Variants in TARBP1 observed in about 807,000 individuals in gnomAD.
TARBP1 encodes tRNA guanosine 2 -O-methyltransferase TARBP1, also known as tRNA (guanosine(18)-2'-O)-methyltransferase TARBP1.
A neutral mutation model predicts 178.6 loss-of-function variants in TARBP1; 144 were observed. The observed-to-expected ratio is 0.81, with a 90% CI of 0.70 to 0.93. The LOEUF is 0.93. TARBP1 is among the 40% of genes least tolerant of loss of function. The pLI is 0.00. For missense variants in TARBP1, 2,067 were observed against 2,011.7 expected (o/e 1.03, Z -0.53); for synonymous variants, 787 against 781.0 (o/e 1.01, Z -0.13).
chr1:234,450,501 T>A lies in TARBP1; in HGVS notation c.1788A>T (p.Gly596=), dbSNP rs1666637566. 3.1e-6 allele frequency: 5 copies of A among 1,611,694 alleles called. No individual in the cohort carries two copies. Among genetic ancestry groups the A allele is most frequent in the Non-Finnish European group, 4.2e-6 (5 of 1,179,112 alleles). ...AAGCATTTAAAGATGTCTTGTGAAG[T>A]CCAATGGAGCTACACGTAGGGGATG... ...FKPSPTCSSI[G]LHKTSLNAYV... is the part of the protein sequence containing the mutation. The change falls in exon 10 of 30, where the codon GGA becomes GGT. Residue 596 remains glycine, a synonymous_variant. Coordinates refer to ENST00000040877, the MANE Select transcript of TARBP1 (RefSeq NM_005646.4).
At chr1:234,459,706 G>A (rs909749272) in intron 7 of TARBP1, among the ~76,000 whole-genome samples, 4 of 151,834 alleles carry the variant, frequency 2.6e-5, no homozygotes, top group African/African-American at 9.7e-5. Flanking sequence ...CAGCTACTTA[G>A]GAGGCTAAGA....
intron 9 of TARBP1, among the ~76,000 whole-genome samples, chr1:234,452,852 C>CTTTATTACTTTATTACTA (rs1431207220): frequency 2.0e-5 from 3 of 150,820 alleles, no homozygotes; most frequent in Non-Finnish European, 4.4e-5. Context: ...GTGGTACATC[C>CTTTATTACTTTATTACTA]AGACAATGAA....
At position 234,479,068 on chromosome 1, in the gene TARBP1, C is replaced by G; in HGVS notation, c.36G>C (p.Gln12His). 1.3e-5 allele frequency: 20 copies of G among 1,540,166 alleles called. No homozygotes were observed. Among genetic ancestry groups the G allele is most frequent in the Non-Finnish European group, 1.7e-5 (20 of 1,156,422 alleles). The change falls in exon 1 of 30, where the codon CAG becomes CAC. Residue 12 changes from glutamine (Q) to histidine (H), a missense_variant. Gln to His is a conservative substitution (Grantham distance 24). Coordinates refer to ENST00000040877, the MANE Select transcript of TARBP1 (RefSeq NM_005646.4). ...EWVLAEALLS[Q>H]SRDPRALLGA... ...CAAGCAGGGCCCGGGGGTCCCGGCT[C>G]TGCGAGAGCAGCGCTTCCGCGAGCA...
chr1:234,460,910 CTAT>C (rs1442144347), intron 6 of TARBP1, among the ~76,000 whole-genome samples: 1 of 152,166 alleles, frequency 6.6e-6, no homozygotes. Context: ...CTTGAAAATA[CTAT>C]GCTAGTGAAA....
At chr1:234,424,178 TCATTCATA>T (rs1488037622) in intron 20 of TARBP1, among the ~76,000 whole-genome samples, 16 of 152,208 alleles carry the variant, frequency 1.1e-4, no homozygotes, top group Admixed American at 1.0e-3. Context: ...AGTTCTGTAG[TCATTCATA>T]CATCCACACC....
chr1:234,415,897 A>G (rs1662363795), intron 22 of TARBP1, among the ~76,000 whole-genome samples: 1 of 152,160 alleles, frequency 6.6e-6, no homozygotes, highest in Non-Finnish European at 1.5e-5. Context: ...TAAGCTACCT[A>G]CTACTCCCCT....
Position 234,429,319 on chromosome 1 carries a change from C to T in TARBP1, c.2877G>A (p.Leu959=), listed in dbSNP as rs371006768. The T allele has an allele frequency of 7.6e-6, 12 of 1,570,598 alleles. No homozygotes were observed. The highest frequency in any genetic ancestry group is 9.4e-6 in the Non-Finnish European group (11 of 1,166,478). The change falls in exon 17 of 30, where the codon CTG becomes CTA. Residue 959 remains leucine, a synonymous_variant. Coordinates refer to ENST00000040877, the MANE Select transcript of TARBP1 (RefSeq NM_005646.4). ...CTATGCAGAGTGATTCAGAGGAAGT[C>T]AGAAGCTGGTAGGAAAAAAAAAAAT... ...HCLKVLVPKL[L]TSSESLCIES... is the part of the protein sequence containing the mutation.
chr1:234,467,743 A>G (rs1668595763), intron 3 of TARBP1, 93 bp from the exon 4 acceptor site: 32 of 1,231,412 alleles, frequency 2.6e-5, no homozygotes, highest in Non-Finnish European at 3.5e-5. Flanking sequence ...AACACACACA[A>G]TAACTTCATT....
rs370267362 is a variant in TARBP1 at position 234,429,578 on chromosome 1, A to G, written c.2709T>C (p.Tyr903=). The G allele has an allele frequency of 8.1e-6, 13 of 1,614,038 alleles. No homozygotes were observed. Among genetic ancestry groups the G allele is most frequent in the South Asian group, 1.1e-5 (1 of 91,090 alleles). Residue 903 remains tyrosine (Y), a synonymous_variant, in exon 16 of 30, where the codon TAT becomes TAC. Transcript: ENST00000040877. The part of the protein sequence containing the change: ...WVCLSFLLKK[Y]HTLIPTTGSE... The stretch of plus-strand genomic sequence containing the variant: ...TCCCTGTGGTTGGTATAAGGGTGTG[A>G]TATTTTTTCAACAGGAAAGAGAGGC...
intron 14 of TARBP1, among the ~76,000 whole-genome samples, chr1:234,432,582 G>A (rs890593083): frequency 6.6e-6 from 1 of 152,182 alleles, no homozygotes; most frequent in South Asian, 2.1e-4. Flanking sequence ...AGACCTCTAA[G>A]AGAAAAGAGA....
At position 234,446,955 on chromosome 1, in the gene TARBP1, T is replaced by C. The variant is rs1666244544; in HGVS notation, c.1982A>G (p.Asn661Ser). 1 of 1,613,260 alleles carries C rather than the reference T, an allele frequency of 6.2e-7. No individual in the cohort carries two copies. Among genetic ancestry groups the C allele is most frequent in the African/African-American group, 1.3e-5 (1 of 74,882 alleles). Reference sequence around the variant, plus strand: ...AGGGTCTAAGAATATCCGCAATACATTCTCTGTTCTCTGCTTTCCGCTAGA... The same window carrying C: ...AGGGTCTAAGAATATCCGCAATACACTCTCTGTTCTCTGCTTTCCGCTAGA... Reference protein sequence around the residue: ...TQYSGKQRTENVLRIFLDPLL... With the variant: ...TQYSGKQRTESVLRIFLDPLL... Residue 661 changes from asparagine (N) to serine (S), a missense_variant, in exon 12 of 30, where the codon AAT becomes AGT. Asn to Ser is a conservative substitution (Grantham distance 46, BLOSUM62 1). Transcript: ENST00000040877.
chr1:234,430,725 A>T (rs953811800), intron 14 of TARBP1, among the ~76,000 whole-genome samples: 8 of 152,308 alleles, frequency 5.3e-5, no homozygotes, highest in Middle Eastern at 3.4e-3. Flanking sequence ...GTTAAAAAAA[A>T]AAATAAAAGG....
chr1:234,471,574 G>A (rs1669059864), intron 2 of TARBP1, among the ~76,000 whole-genome samples: 1 of 152,172 alleles, frequency 6.6e-6, no homozygotes, highest in Admixed American at 6.5e-5. Context: ...ATTACAAAGA[G>A]AAAAAAGACA....
chr1:234,459,363 C>A, intron 7 of TARBP1, 37 bp from the exon 8 acceptor site: 1 of 1,461,084 alleles, frequency 6.8e-7, no homozygotes, highest in Non-Finnish European at 9.4e-7. Flanking sequence ...TTCCGTATTC[C>A]CAAAGACAAT....
At chr1:234,426,654 T>TAA (rs548661946) in intron 19 of TARBP1, among the ~76,000 whole-genome samples, 37 of 152,252 alleles carry the variant, frequency 2.4e-4, no homozygotes, top group African/African-American at 7.9e-4. Context: ...ATCATCTCTA[T>TAA]AAACACACGT....
At chr1:234,399,356 CTT>C (rs761239284) in intron 25 of TARBP1, among the ~76,000 whole-genome samples, 2 of 152,174 alleles carry the variant, frequency 1.3e-5, no homozygotes, top group Non-Finnish European at 2.9e-5. Context: ...TCTGTGCAAA[CTT>C]AAACTGGCAC....
Position 234,444,559 on chromosome 1 carries a change from G to A in TARBP1, c.2134+2244C>T, listed in dbSNP as rs4920245. Among the ~76,000 whole-genome samples, 674 of 152,192 alleles carry A rather than the reference G, an allele frequency of 4.4e-3. 7 individuals carry two copies. The East Asian group carries it at 0.045, about 10-fold the overall frequency. On this transcript the variant is annotated intron_variant, in intron 12 of 29. Coordinates refer to ENST00000040877, the MANE Select transcript of TARBP1 (RefSeq NM_005646.4). ...AATTCACGATCGCAACCTCAAGGGCGTGCTCAGCAAGCCCAGCAATCCTAC... is the reference window on the plus strand; with the variant it reads ...AATTCACGATCGCAACCTCAAGGGCATGCTCAGCAAGCCCAGCAATCCTAC...
chr1:234,474,691 G>A (rs927367917), intron 1 of TARBP1, among the ~76,000 whole-genome samples: 1 of 151,870 alleles, frequency 6.6e-6, no homozygotes, highest in East Asian at 1.9e-4. Flanking sequence ...TTAAAATTTT[G>A]AATGGAAATA....
chr1:234,399,461 T>C (rs1660454067), intron 25 of TARBP1, among the ~76,000 whole-genome samples: 1 of 152,190 alleles, frequency 6.6e-6, no homozygotes, highest in South Asian at 2.1e-4. Flanking sequence ...GTTCAACCAT[T>C]GTGGAAGTCA....
Sources: allele counts gnomAD v4.1 joint callset (sites outside exome capture counted in the v4.1 genomes callset), GRCh38; gene constraint gnomAD v4.1.1; transcripts MANE v1.5; gene names NCBI Gene and HGNC (gene_info 2026-07-23, HGNC 2026-07-21).